The following KCNB2 variants were observed in gnomAD, a reference collection of about 807,000 sequenced individuals.
The protein encoded by KCNB2 is potassium voltage-gated channel subfamily B member 2, also known as delayed rectifier potassium channel protein.
In KCNB2, 15 loss-of-function variants were observed where a neutral mutation model predicts 61.5. That is an observed-to-expected ratio of 0.24 (90% CI 0.16 to 0.38). KCNB2 has a LOEUF of 0.38. KCNB2 is among the 10% of genes least tolerant of loss of function. The pLI is 1.00. For missense variants in KCNB2, 828 were observed against 1,125.2 expected (o/e 0.74, Z 3.78); for synonymous variants, 457 against 446.0 (o/e 1.02, Z -0.31).
At chr8:72,818,748 C>T (rs1809445676) in intron 2 of KCNB2, among the ~76,000 whole-genome samples, 1 of 152,114 alleles carries the variant, frequency 6.6e-6, no homozygotes. Context: ...CCTCCTGATG[C>T]CCTCCTTGGT....
At chr8:72,584,373 G>A (rs1366210125) in intron 2 of KCNB2, among the ~76,000 whole-genome samples, 2 of 152,236 alleles carry the variant, frequency 1.3e-5, no homozygotes, top group Middle Eastern at 3.4e-3. Flanking sequence ...GAGGCTCAGA[G>A]CTGACACTCC....
chr8:72,591,095 CT>C (rs1807090511), intron 2 of KCNB2, among the ~76,000 whole-genome samples: 1 of 150,744 alleles, frequency 6.6e-6, no homozygotes, highest in African/African-American at 2.4e-5. Context: ...TTGGAGACAC[CT>C]TTTGTTCAGT....
chr8:72,821,337 T>C (rs546731788), intron 2 of KCNB2, among the ~76,000 whole-genome samples: 2 of 152,222 alleles, frequency 1.3e-5, no homozygotes, highest in South Asian at 2.1e-4. Flanking sequence ...TGCTAACGCA[T>C]GACTAAAGAA....
chr8:72,736,795 A>C (rs1807853648), intron 2 of KCNB2, among the ~76,000 whole-genome samples: 1 of 152,146 alleles, frequency 6.6e-6, no homozygotes, highest in South Asian at 2.1e-4. Flanking sequence ...TTTTGGAATG[A>C]TGTCAGAGAT....
At chr8:72,743,179 T>G (rs1807994373) in intron 2 of KCNB2, among the ~76,000 whole-genome samples, 1 of 152,258 alleles carries the variant, frequency 6.6e-6, no homozygotes, top group Non-Finnish European at 1.5e-5. Flanking sequence ...AATGAGGACC[T>G]TGAATTGCAG....
intron 2 of KCNB2, among the ~76,000 whole-genome samples, chr8:72,790,726 A>G (rs541531809): frequency 6.6e-6 from 1 of 152,266 alleles, no homozygotes; most frequent in African/African-American, 2.4e-5. Context: ...AACACCTTAC[A>G]GATACTTTTT....
intron 2 of KCNB2, among the ~76,000 whole-genome samples, chr8:72,823,633 C>G (rs1458092709): frequency 6.6e-6 from 1 of 152,202 alleles, no homozygotes; most frequent in Non-Finnish European, 1.5e-5. Flanking sequence ...TGTAATTTTT[C>G]TACCCATAAC....
At chr8:72,575,581 T>C (rs1024046516) in intron 2 of KCNB2, among the ~76,000 whole-genome samples, 2 of 152,132 alleles carry the variant, frequency 1.3e-5, no homozygotes, top group Non-Finnish European at 2.9e-5. Context: ...ACATATAAAA[T>C]ATTGAATATT....
chr8:72,629,539 A>C (rs538443235), intron 2 of KCNB2, among the ~76,000 whole-genome samples: 12 of 152,296 alleles, frequency 7.9e-5, no homozygotes, highest in African/African-American at 2.6e-4. Flanking sequence ...GCTAGTCATG[A>C]TGACTGGCGT....
At chr8:72,608,225 G>A (rs1805483836) in intron 2 of KCNB2, among the ~76,000 whole-genome samples, 1 of 152,128 alleles carries the variant, frequency 6.6e-6, no homozygotes, top group Non-Finnish European at 1.5e-5. Context: ...ATGGCAGATG[G>A]GGGTGGGCAT....
At chr8:72,659,230 T>A (rs1806341664) in intron 2 of KCNB2, among the ~76,000 whole-genome samples, 1 of 151,960 alleles carries the variant, frequency 6.6e-6, no homozygotes, top group Admixed American at 6.6e-5. Context: ...TTGAAATAAG[T>A]TGAGGGGTTC....
chr8:72,782,684 A>G (rs1424633420), intron 2 of KCNB2, among the ~76,000 whole-genome samples: 6 of 151,546 alleles, frequency 4.0e-5, no homozygotes, highest in Non-Finnish European at 8.8e-5. Context: ...TTTCTGAATA[A>G]CTCCTGTGTA....
At chr8:72,884,677 T>G (rs1333706943) in intron 2 of KCNB2, among the ~76,000 whole-genome samples, 1 of 152,184 alleles carries the variant, frequency 6.6e-6, no homozygotes, top group East Asian at 1.9e-4. Context: ...AGACTTTATC[T>G]TTTCCATGCT....
At chr8:72,593,172 ATTGTTTGTCTACATCCTT>A (rs1182518077) in intron 2 of KCNB2, among the ~76,000 whole-genome samples, 1 of 152,176 alleles carries the variant, frequency 6.6e-6, no homozygotes, top group Non-Finnish European at 1.5e-5. Context: ...AGTATTCATG[ATTGTTTGTCTACATCCTT>A]TAAAGTTTGT....
At chr8:72,749,186 A>G (rs935734533) in intron 2 of KCNB2, among the ~76,000 whole-genome samples, 1 of 152,080 alleles carries the variant, frequency 6.6e-6, no homozygotes, top group Admixed American at 6.6e-5. Context: ...TGTGATGATC[A>G]CAGCTTGCTG....
chr8:72,872,611 C>T (rs1311052638), intron 2 of KCNB2, among the ~76,000 whole-genome samples: 1 of 152,160 alleles, frequency 6.6e-6, no homozygotes, highest in East Asian at 1.9e-4. Flanking sequence ...AGTGAATTGT[C>T]ACGAGTGGTA....
intron 2 of KCNB2, among the ~76,000 whole-genome samples, chr8:72,774,190 G>T (rs1808609774): frequency 6.6e-6 from 1 of 152,112 alleles, no homozygotes; most frequent in Non-Finnish European, 1.5e-5. Context: ...TGGCTTAAAT[G>T]CTAGCCAAGT....
At chr8:72,539,338 C>A (rs1456451522) in intron 1 of KCNB2, among the ~76,000 whole-genome samples, 2 of 152,172 alleles carry the variant, frequency 1.3e-5, no homozygotes, top group Admixed American at 1.3e-4. Flanking sequence ...GTAGAAATAA[C>A]TTTCTTCCCC....
intron 2 of KCNB2, among the ~76,000 whole-genome samples, chr8:72,594,943 C>T (rs1807163590): frequency 1.3e-5 from 2 of 152,170 alleles, no homozygotes; most frequent in Admixed American, 6.5e-5. Context: ...ACCAAGCCAA[C>T]AGAGGAGACA....
Sources: allele counts gnomAD v4.1 joint callset (sites outside exome capture counted in the v4.1 genomes callset), GRCh38; gene constraint gnomAD v4.1.1; transcripts MANE v1.5; gene names NCBI Gene and HGNC (gene_info 2026-07-23, HGNC 2026-07-21).